ADGRG7: variants seen among roughly 807,000 people sequenced by gnomAD.
ADGRG7 encodes the protein adhesion G protein-coupled receptor G7.
ADGRG7 carries 82 observed loss-of-function variants against 88.6 expected under a neutral mutation model. The observed-to-expected ratio is 0.93, with a 90% CI of 0.77 to 1.11. The LOEUF is 1.11. Ranked by LOEUF, ADGRG7 falls within the 50% of genes most tolerant of loss-of-function variation. The pLI is 0.00. For synonymous variants in ADGRG7, 381 were observed against 345.2 expected (o/e 1.10, Z -1.15); for missense variants, 945 against 953.4 (o/e 0.99, Z 0.12).
At position 100,664,080 on chromosome 3, in the gene ADGRG7, A is replaced by T. The variant is rs149091956; in HGVS notation, c.1979+4237A>T. On this transcript the variant is annotated intron_variant, in intron 14 of 15. Coordinates refer to ENST00000273352, the MANE Select transcript of ADGRG7 (RefSeq NM_032787.3). ...CATGTATTCACCAATTCAAGCAGAT[A>T]GTCGGAATTTTTAAAATATGAAGTT... Among the ~76,000 whole-genome samples the T allele has an allele frequency of 3.3e-3, 508 of 152,206 alleles. 5 individuals are homozygous for T. The highest frequency in any genetic ancestry group is 5.0e-3 in the Non-Finnish European group (337 of 67,962).
At chr3:100,653,484 A>C (rs1350609136) in intron 11 of ADGRG7, among the ~76,000 whole-genome samples, 1 of 152,204 alleles carries the variant, frequency 6.6e-6, no homozygotes, top group Non-Finnish European at 1.5e-5. Context: ...TTCTATTATA[A>C]AAATTTTAAA....
intron 3 of ADGRG7, among the ~76,000 whole-genome samples, chr3:100,632,132 A>G (rs1040842473): frequency 2.0e-5 from 3 of 152,306 alleles, no homozygotes; most frequent in Admixed American, 2.0e-4. Flanking sequence ...CTTACAAAAC[A>G]TAACTGTGCT....
intron 15 of ADGRG7, among the ~76,000 whole-genome samples, chr3:100,682,032 C>T (rs556661499): frequency 6.6e-6 from 1 of 152,214 alleles, no homozygotes; most frequent in African/African-American, 2.4e-5. Flanking sequence ...ATGATGCCAG[C>T]GGCAGCCCAT....
At chr3:100,630,267 G>A (rs2149017075) in intron 2 of ADGRG7, among the ~76,000 whole-genome samples, 1 of 152,206 alleles carries the variant, frequency 6.6e-6, no homozygotes, top group South Asian at 2.1e-4. Flanking sequence ...CATGCTGTCT[G>A]CTTAGGGTTC....
rs1396774516 is a variant in ADGRG7, at chr3:100,655,154, ATTCTT to A, written c.1703_1707del (p.Leu568HisfsTer27). The A allele has an allele frequency of 4.3e-6, 7 of 1,611,282 alleles. No individual in the cohort carries two copies. The highest frequency in any genetic ancestry group is 5.9e-6 in the Non-Finnish European group (7 of 1,178,044). ...CATGAAGCCTCTTCCTCGGCATTTC[ATTCTT>A]TTCATCTCATTAATTGGATGGGGTA... On this transcript the variant is annotated frameshift_variant, in exon 12 of 16. Coordinates refer to ENST00000273352, the MANE Select transcript of ADGRG7 (RefSeq NM_032787.3). LOFTEE classifies it high-confidence loss of function.
rs183073844 is a variant in ADGRG7, at chr3:100,661,010, C to G, written c.1979+1167C>G. Among the ~76,000 whole-genome samples the G allele has an allele frequency of 9.2e-5, 14 of 152,094 alleles. No homozygotes were observed. In the East Asian group the frequency reaches 2.7e-3, roughly 29 times the overall value. On this transcript the variant is annotated intron_variant, in intron 14 of 15. Coordinates refer to ENST00000273352, the MANE Select transcript of ADGRG7 (RefSeq NM_032787.3). ...GAAAAAATTGGAATATCTGGCCACTCTAAGCTGACATTCCCTGCGGGGGTC... is the reference window on the plus strand; with the variant it reads ...GAAAAAATTGGAATATCTGGCCACTGTAAGCTGACATTCCCTGCGGGGGTC...
intron 15 of ADGRG7, among the ~76,000 whole-genome samples, chr3:100,670,653 C>G (rs2094957212): frequency 6.6e-6 from 1 of 152,140 alleles, no homozygotes; most frequent in Non-Finnish European, 1.5e-5. Context: ...TGGTGGTTTG[C>G]TGCACCCATG....
chr3:100,659,125 A>G (rs931845314), intron 13 of ADGRG7, among the ~76,000 whole-genome samples: 2 of 152,178 alleles, frequency 1.3e-5, no homozygotes, highest in Admixed American at 1.3e-4. Flanking sequence ...CTTTTTAAAC[A>G]TTAATATTTA....
chr3:100,632,927 T>C (rs984955979), intron 3 of ADGRG7, among the ~76,000 whole-genome samples: 1 of 152,274 alleles, frequency 6.6e-6, no homozygotes, highest in Admixed American at 6.5e-5. Flanking sequence ...CATAAAGCAG[T>C]CAAGATCAAC....
chr3:100,655,918 G>A lies in ADGRG7; in HGVS notation c.1746G>A (p.Val582=). The change falls in exon 13 of 16, where the codon GTG becomes GTA. Residue 582 remains valine, a synonymous_variant. Coordinates refer to ENST00000273352, the MANE Select transcript of ADGRG7 (RefSeq NM_032787.3). ...ACATAGGAGTCCCAGCTATAGTAGT[G>A]GCTATAACAGTGGGAGTTATTTATT... ...LIGWGVPAIV[V]AITVGVIYSQ... 2.5e-6 allele frequency: 4 copies of A among 1,596,398 alleles called. No homozygotes were observed. The highest frequency in any genetic ancestry group is 2.2e-5 in the East Asian group (1 of 44,712).
At chr3:100,614,813 T>C (rs1707201821) in intron 1 of ADGRG7, among the ~76,000 whole-genome samples, 1 of 152,216 alleles carries the variant, frequency 6.6e-6, no homozygotes, top group Admixed American at 6.5e-5. Context: ...TATTTTATGC[T>C]ACTTTCTCAA....
intron 1 of ADGRG7, among the ~76,000 whole-genome samples, chr3:100,622,633 T>C (rs1707330089): frequency 6.6e-6 from 1 of 152,228 alleles, no homozygotes; most frequent in Non-Finnish European, 1.5e-5. Context: ...TTCTTCACAA[T>C]TTACAAATTG....
chr3:100,629,519 G>T, intron 1 of ADGRG7, 79 bp from the exon 2 acceptor site: 1 of 897,084 alleles, frequency 1.1e-6, no homozygotes, highest in Admixed American at 1.9e-5. Flanking sequence ...TTTACGTGTA[G>T]AAATTAAGTG....
At chr3:100,613,074 G>A (rs1697834003) in intron 1 of ADGRG7, among the ~76,000 whole-genome samples, 1 of 152,092 alleles carries the variant, frequency 6.6e-6, no homozygotes. Context: ...ATTTTTAGTA[G>A]AGATGTGGTT....
At chr3:100,682,806 C>G (rs1175203333) in intron 15 of ADGRG7, among the ~76,000 whole-genome samples, 1 of 152,206 alleles carries the variant, frequency 6.6e-6, no homozygotes, top group Non-Finnish European at 1.5e-5. Flanking sequence ...GGGAGCCCCA[C>G]CTCTTCTCAG....
chr3:100,659,266 A>C (rs1559682954), intron 13 of ADGRG7, among the ~76,000 whole-genome samples: 1 of 151,192 alleles, frequency 6.6e-6, no homozygotes, highest in Non-Finnish European at 1.5e-5. Context: ...CTCCGTCTCT[A>C]CTAAAAAAAA....
intron 6 of ADGRG7, among the ~76,000 whole-genome samples, chr3:100,640,670 C>T (rs1707627202): frequency 6.6e-6 from 1 of 152,090 alleles, no homozygotes; most frequent in Admixed American, 6.5e-5. Context: ...TACAGGCATG[C>T]ACAACCCTGC....
intron 15 of ADGRG7, among the ~76,000 whole-genome samples, chr3:100,672,600 G>A (rs2094960164): frequency 6.6e-6 from 1 of 152,180 alleles, no homozygotes; most frequent in Non-Finnish European, 1.5e-5. Context: ...ATGTTGAATA[G>A]GAGTGGTGAG....
intron 14 of ADGRG7, among the ~76,000 whole-genome samples, chr3:100,666,351 T>C (rs1192431020): frequency 6.6e-6 from 1 of 152,184 alleles, no homozygotes; most frequent in African/African-American, 2.4e-5. Flanking sequence ...GAGAGGGATG[T>C]GTTAGGGTCA....
Sources: allele counts gnomAD v4.1 joint callset (sites outside exome capture counted in the v4.1 genomes callset), GRCh38; gene constraint gnomAD v4.1.1; transcripts MANE v1.5; gene names NCBI Gene and HGNC (gene_info 2026-07-23, HGNC 2026-07-21).